Variants in MAP3K21 observed in about 807,000 individuals in gnomAD.
MAP3K21 encodes mitogen-activated protein kinase kinase kinase 21, also known as mitogen-activated protein kinase kinase kinase MLK4.
In MAP3K21, 63 loss-of-function variants were observed where a neutral mutation model predicts 86.1. The observed-to-expected ratio is 0.73, with a 90% CI of 0.60 to 0.90. The LOEUF (loss-of-function observed/expected upper bound fraction) is 0.90, where lower values mean the gene tolerates loss of function less well. Ranked by LOEUF, MAP3K21 falls within the 40% of genes least tolerant of loss-of-function variation. The pLI, the probability that MAP3K21 is intolerant of heterozygous loss-of-function variation, is 0.00. For synonymous variants in MAP3K21, 558 were observed against 564.8 expected (o/e 0.99, Z 0.17); for missense variants, 1,220 against 1,367.7 (o/e 0.89, Z 1.70).
chr1:233,353,545 C>T lies in MAP3K21; in HGVS notation c.987-262C>T, dbSNP rs146639936. The stretch of plus-strand genomic sequence containing the variant: ...TTAATTCAATTGTGTACTACTCTTA[C>T]GCTTTCCTATTCATGAAGTAGTTTT... On this transcript the variant is annotated intron_variant, in intron 2 of 9. Transcript: ENST00000366624. Among the ~76,000 whole-genome samples the T allele has an allele frequency of 1.3e-4, 20 of 152,252 alleles. No homozygotes were observed. In the East Asian group the frequency reaches 2.5e-3, roughly 19 times the overall value.
At chr1:233,355,069 A>T in intron 4 of MAP3K21, 58 bp downstream of exon 4, 1 of 1,291,532 alleles carries the variant, frequency 7.7e-7, no homozygotes, top group Admixed American at 2.0e-5. Context: ...TATGGAAAAT[A>T]TGAGGCAAGA....
At chr1:233,371,772 T>C (rs1427210799) in intron 5 of MAP3K21, among the ~76,000 whole-genome samples, 1 of 151,908 alleles carries the variant, frequency 6.6e-6, no homozygotes, top group Non-Finnish European at 1.5e-5. Flanking sequence ...TGTGTGTGTG[T>C]GTGTGTGTGT....
intron 3 of MAP3K21, 42 bp from the exon 4 acceptor site, chr1:233,354,794 T>A (rs1294184347): frequency 1.3e-6 from 2 of 1,533,324 alleles, no homozygotes; most frequent in Non-Finnish European, 1.8e-6. Context: ...AACTCTAAAC[T>A]GCGTTGAGAG....
intron 1 of MAP3K21, among the ~76,000 whole-genome samples, chr1:233,339,268 CTCTTCT>C (rs1327762337): frequency 5.0e-5 from 1 of 19,856 alleles, no homozygotes; most frequent in Admixed American, 6.7e-4. Context: ...CTTCTTCTTC[CTCTTCT>C]TCTTCTTCTT....
intron 4 of MAP3K21, among the ~76,000 whole-genome samples, chr1:233,355,273 G>C (rs1663331618): frequency 6.6e-6 from 1 of 152,092 alleles, no homozygotes; most frequent in Non-Finnish European, 1.5e-5. Context: ...TGGACACTTT[G>C]TATGCATTAA....
intron 1 of MAP3K21, among the ~76,000 whole-genome samples, chr1:233,330,638 C>T (rs1294309): frequency 0.53 from 79,779 of 151,928 alleles, 21,462 homozygotes; most frequent in Admixed American, 0.63. Flanking sequence ...GTTGCAGCAA[C>T]TCTGTGACAA....
intron 1 of MAP3K21, among the ~76,000 whole-genome samples, chr1:233,341,834 T>A (rs1297351415): frequency 6.6e-6 from 1 of 152,180 alleles, no homozygotes; most frequent in Non-Finnish European, 1.5e-5. Context: ...GGAGATAATG[T>A]GTATAAAAGT....
chr1:233,347,664 G>A (rs1439973388), intron 2 of MAP3K21, among the ~76,000 whole-genome samples: 2 of 152,162 alleles, frequency 1.3e-5, no homozygotes, highest in Non-Finnish European at 2.9e-5. Flanking sequence ...TCACTTATAA[G>A]TAGGAGCTTA....
Position 233,328,482 on chromosome 1 carries a change from G to T in MAP3K21, c.454G>T (p.Ala152Ser). ...GCAGGGCCAGGAGGTGGCCGTGAAGGCGGCGCGCCAGGACCCGGAGCAGGA... is the reference window on the plus strand; with the variant it reads ...GCAGGGCCAGGAGGTGGCCGTGAAGTCGGCGCGCCAGGACCCGGAGCAGGA... The part of the protein sequence containing the change: ...TWQGQEVAVK[A>S]ARQDPEQDAA... The change falls in exon 1 of 10, where the codon GCG (alanine) becomes TCG (serine). Residue 152 changes from alanine (A) to serine (S), a missense_variant. This residue lies in a region of MAP3K21 where 369 missense variants were observed against 385.3 expected (regional missense o/e 0.96). Coordinates refer to ENST00000366624, the MANE Select transcript of MAP3K21 (RefSeq NM_032435.3). This position sits in a 1 kb window ranked among gnomAD's most constrained non-coding sequence, Gnocchi z 8.7. 1 of 1,509,410 alleles carries T rather than the reference G, an allele frequency of 6.6e-7. No homozygotes were observed. The highest frequency in any genetic ancestry group is 1.2e-5 in the South Asian group (1 of 80,220). The allele number at this position is 1,509,410 out of a possible 1,614,324, so 93.5% of individuals were successfully genotyped here. A position where few individuals can be genotyped will look rare whatever the true frequency, so the allele number is the denominator to read the frequency against.
At chr1:233,345,174 C>T (rs972205503) in intron 1 of MAP3K21, among the ~76,000 whole-genome samples, 4 of 152,086 alleles carry the variant, frequency 2.6e-5, no homozygotes, top group African/African-American at 4.8e-5. Flanking sequence ...GACAGTGTGG[C>T]GATTCCTCAA....
chr1:233,370,682 A>G (rs955138722), intron 5 of MAP3K21, among the ~76,000 whole-genome samples: 2 of 152,208 alleles, frequency 1.3e-5, no homozygotes, highest in African/African-American at 4.8e-5. Flanking sequence ...TAAACTCATT[A>G]ATCGTTGAGG....
Position 233,379,207 on chromosome 1 carries a change from C to T in MAP3K21, c.2201C>T (p.Ala734Val), listed in dbSNP as rs1435730142. ...TGCACCGTCCTTCTGGCATCGGTGG[C>T]TCTGGGACTGGACCTCAGAGAGCTT... ...YGCTVLLASV[A>V]LGLDLRELHK... Residue 734 changes from alanine (A) to valine (V), a missense_variant, in exon 9 of 10, where the codon GCT becomes GTT. Transcript: ENST00000366624. 29 of 1,614,034 alleles carry T rather than the reference C, an allele frequency of 1.8e-5. No individual in the cohort carries two copies. Among genetic ancestry groups the T allele is most frequent in the Non-Finnish European group, 2.3e-5 (27 of 1,180,034 alleles).
intron 8 of MAP3K21, 83 bp downstream of exon 8, chr1:233,376,610 G>A (rs1030636652): frequency 4.7e-5 from 43 of 916,140 alleles, no homozygotes; most frequent in African/African-American, 2.6e-4. Context: ...ACAGTCTTAC[G>A]TGGTCATTAA....
At chr1:233,360,314 T>A (rs1348492086) in intron 4 of MAP3K21, among the ~76,000 whole-genome samples, 1 of 152,116 alleles carries the variant, frequency 6.6e-6, no homozygotes, top group African/African-American at 2.4e-5. Flanking sequence ...ACATGTAACA[T>A]TTTCCCCTTT....
At chr1:233,379,801 GT>G (rs1473086001) in intron 9 of MAP3K21, 91 bp downstream of exon 9, 4 of 985,144 alleles carry the variant, frequency 4.1e-6, no homozygotes, top group Non-Finnish European at 6.0e-6. Context: ...TCTTTTCCTG[GT>G]GATGACATTT....
intron 6 of MAP3K21, chr1:233,372,399 G>A (rs1663703949): frequency 2.2e-6 from 1 of 445,182 alleles, no homozygotes; most frequent in Admixed American, 4.1e-5. Context: ...CCTGGCCCCG[G>A]AGTAGAAAGT....
intron 1 of MAP3K21, among the ~76,000 whole-genome samples, chr1:233,330,998 T>C (rs1356449835): frequency 6.6e-6 from 1 of 152,190 alleles, no homozygotes; most frequent in East Asian, 1.9e-4. Flanking sequence ...AAAGAACTCC[T>C]AATATTATTA....
Position 233,382,038 on chromosome 1 carries a change from A to C in MAP3K21, c.2705-267A>C, listed in dbSNP as rs141706488. On this transcript the variant is annotated intron_variant, in intron 9 of 9. Coordinates refer to ENST00000366624, the MANE Select transcript of MAP3K21 (RefSeq NM_032435.3). The stretch of plus-strand genomic sequence containing the variant: ...TTCCATAGGTTGAAGTACTCTTTGC[A>C]AACTTGCAGGACTTCAGCCAGGTGT... 4.3e-3 allele frequency among the ~76,000 whole-genome samples: 652 copies of C among 152,306 alleles called. 9 individuals carry two copies. Among genetic ancestry groups the C allele is most frequent in the African/African-American group, 0.015 (623 of 41,570 alleles).
chr1:233,339,356 T>TCTCCTTCTC (rs1662987218), intron 1 of MAP3K21, among the ~76,000 whole-genome samples: 1 of 64,088 alleles, frequency 1.6e-5, no homozygotes, highest in Non-Finnish European at 2.9e-5. Flanking sequence ...TTCTCCCTCT[T>TCTCCTTCTC]CTCCTTCTCC....
Sources: allele counts gnomAD v4.1 joint callset (sites outside exome capture counted in the v4.1 genomes callset), GRCh38; gene constraint gnomAD v4.1.1; regional missense constraint gnomAD v4.1.1; non-coding constraint Gnocchi (gnomAD v3.1); transcripts MANE v1.5; gene names NCBI Gene and HGNC (gene_info 2026-07-23, HGNC 2026-07-21).